The following NCKAP5 variants were observed in gnomAD, a reference collection of about 807,000 sequenced individuals.
NCKAP5 encodes nck-associated protein 5.
NCKAP5 carries 92 observed loss-of-function variants against 167.0 expected under a neutral mutation model. That is an observed-to-expected ratio of 0.55 (90% CI 0.47 to 0.66). The LOEUF (loss-of-function observed/expected upper bound fraction) is 0.66, where lower values mean the gene tolerates loss of function less well. NCKAP5 is among the 30% of genes least tolerant of loss of function. The probability of loss-of-function intolerance (pLI) is 0.00; values close to 1 mark genes in which losing one functional copy is unlikely to be tolerated. For missense variants in NCKAP5, 2,378 were observed against 2,315.0 expected (o/e 1.03, Z -0.56); for synonymous variants, 891 against 877.4 (o/e 1.02, Z -0.27).
At chr2:132,828,970 C>T (rs1445441055) in intron 11 of NCKAP5, among the ~76,000 whole-genome samples, 1 of 152,128 alleles carries the variant, frequency 6.6e-6, no homozygotes, top group Non-Finnish European at 1.5e-5. Context: ...ATGGTGATGT[C>T]AGCTCAACTG....
At position 132,731,789 on chromosome 2, in the gene NCKAP5, G is replaced by C. The variant is rs72987798; in HGVS notation, c.5391C>G (p.Thr1797=). The part of the protein sequence containing the change: ...IVHSTSDPIM[T]ARGMRPLQSR... ...TCTGAAGAGGCCTCATCCCTCTGGC[G>C]GTCATGATGGGGTCGGATGTGGAAT... The change falls in exon 17 of 20, where the codon ACC becomes ACG. Residue 1797 remains threonine (T), a synonymous_variant. Coordinates refer to ENST00000409261, the MANE Select transcript of NCKAP5 (RefSeq NM_207363.3). The C allele has an allele frequency of 3.1e-5, 50 of 1,613,580 alleles. No individual in the cohort carries two copies. In the Admixed American group the frequency reaches 3.2e-4, roughly 10 times the overall value.
At chr2:132,810,026 C>T (rs1273114876) in intron 11 of NCKAP5, among the ~76,000 whole-genome samples, 3 of 152,154 alleles carry the variant, frequency 2.0e-5, no homozygotes, top group Non-Finnish European at 4.4e-5. Context: ...AAGACTGTAT[C>T]TTTCCTTCAT....
At chr2:132,839,984 T>C (rs192478682) in intron 11 of NCKAP5, among the ~76,000 whole-genome samples, 2 of 152,272 alleles carry the variant, frequency 1.3e-5, no homozygotes, top group African/African-American at 4.8e-5. Flanking sequence ...TATGACTCTA[T>C]ACCATCTGTT....
intron 8 of NCKAP5, among the ~76,000 whole-genome samples, chr2:132,935,922 T>C (rs1696808450): frequency 6.6e-6 from 1 of 152,088 alleles, no homozygotes; most frequent in African/African-American, 2.4e-5. Context: ...CTGGTGCCGT[T>C]AATCAGGAAT....
At chr2:132,928,927 C>A (rs1574663611) in intron 8 of NCKAP5, among the ~76,000 whole-genome samples, 1 of 151,872 alleles carries the variant, frequency 6.6e-6, no homozygotes, top group East Asian at 1.9e-4. Context: ...TCAAGATCAG[C>A]CTGGGAAATA....
chr2:133,647,384 G>GAAGGAAGA, the NCKAP5 span, among the ~76,000 whole-genome samples: 9 of 107,098 alleles, frequency 8.4e-5, no homozygotes, highest in East Asian at 8.6e-4. Flanking sequence ...AGAAAGGAAG[G>GAAGGAAGA]AAGGAAGGAA....
intron 1 of NCKAP5, among the ~76,000 whole-genome samples, chr2:133,559,855 C>T (rs559864391): frequency 8.5e-5 from 13 of 152,262 alleles, no homozygotes; most frequent in African/African-American, 3.1e-4. Flanking sequence ...GAATGTTTCA[C>T]AGCATACAGG....
At chr2:132,848,780 A>G (rs1688863310) in intron 11 of NCKAP5, among the ~76,000 whole-genome samples, 1 of 152,104 alleles carries the variant, frequency 6.6e-6, no homozygotes, top group South Asian at 2.1e-4. Flanking sequence ...GTATGATCAC[A>G]CCTTTGAATA....
At chr2:133,100,768 A>C (rs1384740161) in intron 6 of NCKAP5, among the ~76,000 whole-genome samples, 1 of 152,216 alleles carries the variant, frequency 6.6e-6, no homozygotes, top group East Asian at 1.9e-4. Flanking sequence ...CTTGGAAAAA[A>C]AAAACTTTTG....
At chr2:132,823,220 A>G (rs1313654944) in intron 11 of NCKAP5, among the ~76,000 whole-genome samples, 3 of 152,146 alleles carry the variant, frequency 2.0e-5, no homozygotes, top group Admixed American at 6.6e-5. Context: ...AATTCATTGC[A>G]AAAAGATCAT....
intron 11 of NCKAP5, among the ~76,000 whole-genome samples, chr2:132,817,023 G>A (rs541954339): frequency 7.9e-5 from 12 of 152,182 alleles, no homozygotes; most frequent in East Asian, 5.8e-4. Flanking sequence ...CTGTCACCAC[G>A]TGGTACTGGT....
At chr2:133,610,213 T>A in the NCKAP5 span, among the ~76,000 whole-genome samples, 1 of 152,210 alleles carries the variant, frequency 6.6e-6, no homozygotes, top group Non-Finnish European at 1.5e-5. Context: ...TTCAGAATTA[T>A]AGCCTGATGG....
At chr2:132,896,686 T>G (rs1215837006) in intron 8 of NCKAP5, among the ~76,000 whole-genome samples, 1 of 152,222 alleles carries the variant, frequency 6.6e-6, no homozygotes, top group Admixed American at 6.5e-5. Context: ...GAATATTGAA[T>G]CATTGTGCAT....
chr2:133,124,539 C>A (rs949687391), intron 6 of NCKAP5, among the ~76,000 whole-genome samples: 1 of 152,184 alleles, frequency 6.6e-6, no homozygotes, highest in African/African-American at 2.4e-5. Flanking sequence ...TCTGACTATT[C>A]ATGCCTCAGC....
intron 6 of NCKAP5, among the ~76,000 whole-genome samples, chr2:133,089,933 T>C (rs951263896): frequency 2.6e-5 from 4 of 152,222 alleles, no homozygotes; most frequent in African/African-American, 9.6e-5. Context: ...CAAAATCTCA[T>C]ACTATTCAGT....
chr2:133,058,308 T>C (rs2079872888), intron 6 of NCKAP5, among the ~76,000 whole-genome samples: 1 of 152,208 alleles, frequency 6.6e-6, no homozygotes, highest in Non-Finnish European at 1.5e-5. Flanking sequence ...AGAAATATTT[T>C]TTATAAGGCT....
intron 8 of NCKAP5, among the ~76,000 whole-genome samples, chr2:132,923,897 G>A (rs1695639967): frequency 6.6e-6 from 1 of 152,172 alleles, no homozygotes. Flanking sequence ...AAATCTATCA[G>A]TCTGTCCTCC....
chr2:133,084,904 T>C (rs576251528), intron 6 of NCKAP5, among the ~76,000 whole-genome samples: 1 of 152,296 alleles, frequency 6.6e-6, no homozygotes, highest in African/African-American at 2.4e-5. Flanking sequence ...TCACAGTAAA[T>C]CCAAATATGA....
At chr2:133,269,657 G>A (rs965840034) in intron 4 of NCKAP5, among the ~76,000 whole-genome samples, 2 of 152,178 alleles carry the variant, frequency 1.3e-5, no homozygotes, top group East Asian at 1.9e-4. Flanking sequence ...AAAGGACTTG[G>A]AATTTTACTC....
Sources: gnomAD v4.1 joint callset for allele counts (sites outside exome capture counted in the v4.1 genomes callset) on GRCh38, gnomAD v4.1.1 for gene constraint, MANE v1.5 for transcripts, NCBI Gene and HGNC (gene_info 2026-07-23, HGNC 2026-07-21) for gene names.